Variants in NFX1 observed in about 807,000 individuals in gnomAD.
NFX1 encodes the protein transcriptional repressor NF-X1.
Under a neutral mutation model 137.2 loss-of-function variants are expected in NFX1, and 69 were observed. The observed-to-expected ratio is 0.50, with a 90% CI of 0.41 to 0.61. The LOEUF is 0.61. NFX1 is among the 20% of genes least tolerant of loss of function. NFX1 has a pLI of 0.00. For synonymous variants in NFX1, 495 were observed against 474.1 expected (o/e 1.04, Z -0.57); for missense variants, 1,167 against 1,391.0 (o/e 0.84, Z 2.56).
intron 7 of NFX1, among the ~76,000 whole-genome samples, chr9:33,316,778 C>CT (rs1339842012): frequency 6.6e-6 from 1 of 152,154 alleles, no homozygotes; most frequent in African/African-American, 2.4e-5. Context: ...AGCTGTGACT[C>CT]TACCTAATTC....
chr9:33,311,841 G>A (rs909992955), intron 6 of NFX1, among the ~76,000 whole-genome samples: 6 of 152,276 alleles, frequency 3.9e-5, no homozygotes, highest in African/African-American at 1.4e-4. Context: ...ATGAGCTACC[G>A]CGCTCGGTCG....
chr9:33,353,462 C>G (rs917414737), intron 17 of NFX1, among the ~76,000 whole-genome samples: 1 of 151,866 alleles, frequency 6.6e-6, no homozygotes, highest in African/African-American at 2.4e-5. Flanking sequence ...GGAGAGGTGC[C>G]ATGGATATAG....
chr9:33,318,942 A>G lies in NFX1; in HGVS notation c.1721A>G (p.Gln574Arg), dbSNP rs1261257341. ...DLKCGNHTCS[Q>R]VCHPQPCQQC... Reference sequence around the variant, plus strand: ...AAATGCGGTAACCATACATGTTCGCAAGTGTGCCACCCTCAGCCCTGCCAG... The same window carrying G: ...AAATGCGGTAACCATACATGTTCGCGAGTGTGCCACCCTCAGCCCTGCCAG... The change falls in exon 9 of 24, where the codon CAA becomes CGA. Residue 574 changes from glutamine (Q) to arginine (R), a missense_variant. Coordinates refer to ENST00000379540, the MANE Select transcript of NFX1 (RefSeq NM_002504.6). The G allele has an allele frequency of 6.2e-7, 1 of 1,614,220 alleles. No individual in the cohort carries two copies. The highest frequency in any genetic ancestry group is 2.2e-5 in the East Asian group (1 of 44,888).
In NFX1 at chr9:33,366,622, A is replaced by C. The variant is rs375373383; in HGVS notation, c.3040-7A>C. 6.2e-7 allele frequency: 1 copy of C among 1,613,602 alleles called. No individual in the cohort carries two copies. Among genetic ancestry groups the C allele is most frequent in the African/African-American group, 1.3e-5 (1 of 75,054 alleles). On this transcript the variant is annotated splice_region_variant and splice_polypyrimidine_tract_variant and intron_variant, in intron 21 of 23. Transcript: ENST00000379540. ...TGATCAATCAGTCATCTTTTCCCTC[A>C]ATACAGGGAAAGAATAGTAAGAAAA... is the stretch of plus-strand genomic sequence containing the variant.
chr9:33,300,150 C>T (rs1326896508), intron 2 of NFX1, among the ~76,000 whole-genome samples: 16 of 149,888 alleles, frequency 1.1e-4, no homozygotes, highest in Non-Finnish European at 2.2e-4. Flanking sequence ...CAACCTCCGC[C>T]CCCGGGTTCA....
chr9:33,337,184 G>A (rs1823038267), intron 11 of NFX1, among the ~76,000 whole-genome samples: 1 of 152,126 alleles, frequency 6.6e-6, no homozygotes, highest in South Asian at 2.1e-4. Context: ...ATATCCATGG[G>A]TTCCATATCC....
rs1822848721 is a variant in NFX1 at position 33,332,610 on chromosome 9, C to G, written c.2035+108C>G. The G allele has an allele frequency of 4.1e-6, 3 of 733,816 alleles. No homozygotes were observed. The East Asian group carries it at 8.3e-5, about 20-fold the overall frequency. The allele number at this position is 733,816 out of a possible 1,614,324, so 45.5% of individuals were successfully genotyped here. ...TTTGTCAAAATTCAGTGAAGGCATA[C>G]TTAAGATTTGTGGTATAACTTTCAC... On this transcript the variant is annotated intron_variant, in intron 11 of 23. Transcript: ENST00000379540.
chr9:33,354,177 C>A lies in NFX1; in HGVS notation c.2821C>A (p.His941Asn). The A allele has an allele frequency of 6.2e-7, 1 of 1,612,260 alleles. No homozygotes were observed. The highest frequency in any genetic ancestry group is 1.1e-5 in the South Asian group (1 of 90,612). ...ISKLITKKEV[H>N]QARLECDEEC... ...CAAGTTAATTACCAAAAAGGAAGTT[C>A]ATCAAGCCAGGTAATTTTTAAAATG... Residue 941 changes from histidine to asparagine, a missense_variant, in exon 18 of 24, where the codon CAT becomes AAT. Around this residue, in one of 3 missense-constraint regions of NFX1, gnomAD observed 312 missense variants for 312.8 expected, o/e 1.00. Transcript: ENST00000379540.
intron 6 of NFX1, among the ~76,000 whole-genome samples, chr9:33,313,433 A>C (rs949251372): frequency 3.3e-5 from 5 of 152,164 alleles, no homozygotes; most frequent in South Asian, 2.1e-4. Flanking sequence ...TATTTAAAAA[A>C]AAAAACAAAA....
chr9:33,307,100 G>A, intron 4 of NFX1, 94 bp from the exon 5 acceptor site: 2 of 856,750 alleles, frequency 2.3e-6, no homozygotes, highest in East Asian at 2.5e-5. Context: ...CCACACTAAA[G>A]TTGCATGCTG....
At chr9:33,363,891 T>C (rs754512598) in intron 19 of NFX1, 119 bp from the exon 20 acceptor site, 21 of 554,804 alleles carry the variant, frequency 3.8e-5, no homozygotes, top group Non-Finnish European at 5.7e-5. Flanking sequence ...AATAATCCAG[T>C]TTACCAAAAT....
chr9:33,310,188 GAC>G (rs1821913183), intron 5 of NFX1, among the ~76,000 whole-genome samples: 2 of 152,158 alleles, frequency 1.3e-5, no homozygotes, highest in Non-Finnish European at 2.9e-5. Flanking sequence ...ATTCCAGCCA[GAC>G]CACTTTATAA....
At position 33,352,637 on chromosome 9, in the gene NFX1, T is replaced by G. The variant is rs779663091; in HGVS notation, c.2656-9T>G. On this transcript the variant is annotated splice_polypyrimidine_tract_variant and intron_variant, in intron 16 of 23. Coordinates refer to ENST00000379540, the MANE Select transcript of NFX1 (RefSeq NM_002504.6). ...TGCTAAAAGTCGTTCCATGTTCATC[T>G]GACTTCAGGTAGAGCTACAGTGTGA... 6.2e-7 allele frequency: 1 copy of G among 1,613,874 alleles called. No homozygotes were observed. Among genetic ancestry groups the G allele is most frequent in the South Asian group, 1.1e-5 (1 of 91,078 alleles).
intron 6 of NFX1, among the ~76,000 whole-genome samples, chr9:33,312,260 C>T (rs1160473154): frequency 6.6e-6 from 1 of 152,182 alleles, no homozygotes; most frequent in Non-Finnish European, 1.5e-5. Context: ...GGTTCTGTCA[C>T]TTACTGGTTG....
At chr9:33,338,656 C>T (rs1480825503) in intron 12 of NFX1, 67 bp downstream of exon 12, 3 of 1,394,096 alleles carry the variant, frequency 2.2e-6, no homozygotes, top group African/African-American at 2.9e-5. Flanking sequence ...GAAGCCTGAG[C>T]CATGTGGAGA....
chr9:33,318,355 A>G (rs1232965138), intron 7 of NFX1, among the ~76,000 whole-genome samples: 1 of 152,198 alleles, frequency 6.6e-6, no homozygotes, highest in African/African-American at 2.4e-5. Flanking sequence ...ACATCACCAG[A>G]GGACCCGCAG....
At chr9:33,357,005 A>AT (rs1182306705) in intron 19 of NFX1, among the ~76,000 whole-genome samples, 7 of 151,622 alleles carry the variant, frequency 4.6e-5, no homozygotes, top group Non-Finnish European at 4.4e-5. Context: ...AAAAAAAAAA[A>AT]AAAATAAGCC....
chr9:33,368,913 C>G (rs1358337071), intron 23 of NFX1, among the ~76,000 whole-genome samples: 3 of 152,066 alleles, frequency 2.0e-5, no homozygotes, highest in African/African-American at 7.2e-5. Flanking sequence ...AGCCAGGTGT[C>G]CTAGGTTCTG....
chr9:33,363,147 A>G (rs555926791), intron 19 of NFX1, among the ~76,000 whole-genome samples: 32 of 152,198 alleles, frequency 2.1e-4, no homozygotes, highest in African/African-American at 7.5e-4. Flanking sequence ...TATGCCTAAT[A>G]CACTGATTTG....
Sources: allele counts gnomAD v4.1 joint callset (sites outside exome capture counted in the v4.1 genomes callset), GRCh38; gene constraint gnomAD v4.1.1; regional missense constraint gnomAD v4.1.1; transcripts MANE v1.5; gene names NCBI Gene and HGNC (gene_info 2026-07-23, HGNC 2026-07-21).